ZNF430: variants seen among roughly 807,000 people sequenced by gnomAD.
The protein encoded by ZNF430 is zinc finger protein 430.
A neutral mutation model predicts 56.7 loss-of-function variants in ZNF430; 35 were observed. The ratio of observed to expected loss-of-function variants is 0.62; its 90% CI spans 0.47 to 0.82. The LOEUF (loss-of-function observed/expected upper bound fraction) is 0.82. ZNF430 is among the 40% of genes least tolerant of loss of function. The probability of loss-of-function intolerance (pLI) is 0.00; values close to 1 mark genes in which losing one functional copy is unlikely to be tolerated. For synonymous variants in ZNF430, 212 were observed against 224.3 expected, an observed-to-expected ratio of 0.94 and a Z score of 0.49; for missense variants, 574 against 661.0, an observed-to-expected ratio of 0.87 and a Z score of 1.44.
At position 21,057,525 on chromosome 19, in the gene ZNF430, G is replaced by T; in HGVS notation, c.1217G>T (p.Cys406Phe). Residue 406 changes from cysteine to phenylalanine, a missense_variant, in exon 5 of 5, where the codon TGT (cysteine) becomes TTT (phenylalanine). This residue lies in a region of ZNF430 where 213 missense variants were observed against 221.0 expected (regional missense o/e 0.96). Coordinates refer to ENST00000261560, the MANE Select transcript of ZNF430 (RefSeq NM_025189.4). ...TGEKFYKCEE[C>F]GKGFNWSSTL... ...GAGAAATTCTACAAATGTGAAGAAT[G>T]TGGCAAAGGCTTTAATTGGTCCTCG... 1 of 1,613,366 alleles carries T rather than the reference G, an allele frequency of 6.2e-7. No individual in the cohort carries two copies. The highest frequency in any genetic ancestry group is 8.5e-7 in the Non-Finnish European group (1 of 1,179,920).
chr19:21,054,082 AT>A (rs1357119139), intron 4 of ZNF430, among the ~76,000 whole-genome samples: 9 of 152,142 alleles, frequency 5.9e-5, no homozygotes, highest in South Asian at 2.1e-4. Context: ...TTTGAATTAT[AT>A]TTTTTATGTT....
At chr19:21,034,398 G>T in intron 4 of ZNF430, 1 of 426,248 alleles carries the variant, frequency 2.3e-6, no homozygotes, top group Non-Finnish European at 4.2e-6. Flanking sequence ...CTCCCTTCAA[G>T]TTTGCTATCA....
intron 2 of ZNF430, among the ~76,000 whole-genome samples, chr19:21,031,458 C>G (rs922477093): frequency 1.3e-5 from 2 of 152,000 alleles, no homozygotes; most frequent in African/African-American, 4.8e-5. Flanking sequence ...ATTACTGTAG[C>G]AGAAATTGCT....
chr19:21,056,507 G>A (rs1342758514), intron 4 of ZNF430, 124 bp from the exon 5 acceptor site: 1 of 681,046 alleles, frequency 1.5e-6, no homozygotes. Context: ...AAAAAATTAG[G>A]GCCTTTATTA....
chr19:21,044,216 G>T (rs1275455450), intron 4 of ZNF430, among the ~76,000 whole-genome samples: 1 of 151,942 alleles, frequency 6.6e-6, no homozygotes, highest in East Asian at 1.9e-4. Context: ...CTGGCTGTGG[G>T]TTCATCATAA....
At chr19:21,055,531 C>T (rs1968360161) in intron 4 of ZNF430, among the ~76,000 whole-genome samples, 1 of 152,008 alleles carries the variant, frequency 6.6e-6, no homozygotes, top group South Asian at 2.1e-4. Context: ...TCACTGCACC[C>T]TCCGCCACCT....
intron 1 of ZNF430, among the ~76,000 whole-genome samples, chr19:21,021,862 G>A (rs1967694950): frequency 9.2e-6 from 1 of 108,676 alleles, no homozygotes; most frequent in Admixed American, 1.3e-4. Flanking sequence ...TTGAGATGGA[G>A]TCTCGCTCTT....
At chr19:21,043,462 T>C (rs896027932) in intron 4 of ZNF430, among the ~76,000 whole-genome samples, 2 of 152,098 alleles carry the variant, frequency 1.3e-5, no homozygotes, top group African/African-American at 4.8e-5. Flanking sequence ...TTCTGCATTC[T>C]TTTTCATTGG....
At chr19:21,040,864 T>G (rs909078711) in intron 4 of ZNF430, among the ~76,000 whole-genome samples, 46 of 152,194 alleles carry the variant, frequency 3.0e-4, no homozygotes, top group African/African-American at 1.1e-3. Flanking sequence ...TAGATAGATA[T>G]GATAGTTATA....
At chr19:21,054,386 T>TTA (rs1968334745) in intron 4 of ZNF430, among the ~76,000 whole-genome samples, 1 of 150,892 alleles carries the variant, frequency 6.6e-6, no homozygotes. Context: ...TTTTTTTTTT[T>TTA]ATTTAGCAGG....
chr19:21,028,778 C>T (rs1302570925), intron 2 of ZNF430, among the ~76,000 whole-genome samples: 5 of 152,214 alleles, frequency 3.3e-5, no homozygotes, highest in African/African-American at 9.6e-5. Context: ...CTCCGCCTCC[C>T]GGGTTCAAGT....
In ZNF430 at chr19:21,048,164, CTTTTTTTTTTTTTTTTT is replaced by C. The variant is rs536496163; in HGVS notation, c.323-8451_323-8435del. Reference sequence around the variant, plus strand: ...TTAAAATGGAGATTACATAAAACATCTTTTTTTTTTTTTTTTTTTTTTTTTTTTTTTTAGTATTTATT... The same window carrying C: ...TTAAAATGGAGATTACATAAAACATCTTTTTTTTTTTTTTTAGTATTTATT... On this transcript the variant is annotated intron_variant, in intron 4 of 4. Transcript: ENST00000261560. 9.1e-3 allele frequency among the ~76,000 whole-genome samples: 546 copies of C among 59,842 alleles called. 12 individuals are homozygous for C. The highest frequency in any genetic ancestry group is 0.032 in the African/African-American group (498 of 15,502). 39.3% of individuals were successfully genotyped at this position (59,842 alleles called of 152,430 possible).
intron 4 of ZNF430, among the ~76,000 whole-genome samples, chr19:21,052,294 A>G (rs184546818): frequency 2.0e-5 from 3 of 152,218 alleles, no homozygotes; most frequent in Non-Finnish European, 2.9e-5. Context: ...GCATCCTGAT[A>G]TTGTTGAGGT....
In ZNF430 at chr19:21,033,077, G is replaced by A. The variant is rs559351795; in HGVS notation, c.97-379G>A. Reference sequence around the variant, plus strand: ...TTCTGTGTGAAAAATTATTGGGGCCGGGCATGGTGGCTCATGCCTGTAATC... The same window carrying A: ...TTCTGTGTGAAAAATTATTGGGGCCAGGCATGGTGGCTCATGCCTGTAATC... On this transcript the variant is annotated intron_variant, in intron 2 of 4. Coordinates refer to ENST00000261560, the MANE Select transcript of ZNF430 (RefSeq NM_025189.4). Among the ~76,000 whole-genome samples, 6 of 152,162 alleles carry A rather than the reference G, an allele frequency of 3.9e-5. No homozygotes were observed. The South Asian group carries it at 6.2e-4, about 16-fold the overall frequency.
Position 21,057,272 on chromosome 19 carries a change from T to G in ZNF430, c.964T>G (p.Cys322Gly), listed in dbSNP as rs917280248. 1.9e-6 allele frequency: 3 copies of G among 1,613,182 alleles called. No individual in the cohort carries two copies. The highest frequency in any genetic ancestry group is 1.7e-5 in the Admixed American group (1 of 59,948). ...TGEKPYRCEE[C>G]GRAFNRSSHL... The stretch of plus-strand genomic sequence containing the variant: ...AGAGAAACCCTACAGATGTGAAGAA[T>G]GTGGCAGAGCTTTTAACCGGTCCTC... Residue 322 changes from cysteine (C) to glycine (G), a missense_variant, in exon 5 of 5, where the codon TGT becomes GGT. Cys to Gly is a radical substitution (Grantham distance 159). Coordinates refer to ENST00000261560, the MANE Select transcript of ZNF430 (RefSeq NM_025189.4).
At chr19:21,050,811 C>T (rs754194868) in intron 4 of ZNF430, among the ~76,000 whole-genome samples, 10 of 151,944 alleles carry the variant, frequency 6.6e-5, no homozygotes, top group East Asian at 1.9e-4. Flanking sequence ...GAGGATTGCC[C>T]GAGGTCAGGA....
At chr19:21,033,671 T>A in intron 3 of ZNF430, 89 bp downstream of exon 3, 2 of 1,362,728 alleles carry the variant, frequency 1.5e-6, no homozygotes, top group Non-Finnish European at 2.0e-6. Context: ...ATTTATGCTT[T>A]GCATAAATGA....
rs1968426776 is a variant in ZNF430, at chr19:21,058,975, CTG to C, written c.*955_*956del. On this transcript the variant is annotated 3_prime_UTR_variant, in exon 5 of 5. Transcript: ENST00000261560. ...ACACATTTTGTACTAGAAGAAAACTCTGAAGTAGTTGCTCAAACTTTGTTCAA... is the reference window on the plus strand; with the variant it reads ...ACACATTTTGTACTAGAAGAAAACTCAAGTAGTTGCTCAAACTTTGTTCAA... 2 of 152,132 alleles carry C rather than the reference CTG, an allele frequency of 1.3e-5. No individual in the cohort carries two copies. The highest frequency in any genetic ancestry group is 4.8e-5 in the African/African-American group (2 of 41,424). 9.4% of individuals were successfully genotyped at this position (152,132 alleles called of 1,614,324 possible).
intron 1 of ZNF430, among the ~76,000 whole-genome samples, chr19:21,021,028 G>A (rs1974288310): frequency 6.6e-6 from 1 of 152,210 alleles, no homozygotes; most frequent in South Asian, 2.1e-4. Context: ...CTGTGCCCTG[G>A]CCTGGAGCCC....
Sources: allele counts gnomAD v4.1 joint callset (sites outside exome capture counted in the v4.1 genomes callset), GRCh38; gene constraint gnomAD v4.1.1; regional missense constraint gnomAD v4.1.1; transcripts MANE v1.5; gene names NCBI Gene and HGNC (gene_info 2026-07-23, HGNC 2026-07-21).